EML6: variants seen among roughly 807,000 people sequenced by gnomAD.
EML6 encodes the protein echinoderm microtubule-associated protein-like 6.
Under a neutral mutation model 240.1 loss-of-function variants are expected in EML6, and 154 were observed. The ratio of observed to expected loss-of-function variants is 0.64; its 90% CI spans 0.56 to 0.73. The LOEUF is 0.73. Ranked by LOEUF, EML6 falls within the 30% of genes least tolerant of loss-of-function variation. The pLI, the probability that EML6 is intolerant of heterozygous loss-of-function variation, is 0.00. For missense variants in EML6, 2,964 were observed against 2,474.6 expected (o/e 1.20, Z -4.20); for synonymous variants, 1,148 against 899.0 (o/e 1.28, Z -4.95).
At chr2:54,845,401 G>A (rs1407420786) in intron 8 of EML6, among the ~76,000 whole-genome samples, 6 of 152,122 alleles carry the variant, frequency 3.9e-5, no homozygotes, top group Admixed American at 2.6e-4. Flanking sequence ...GAAGTCCTTC[G>A]CTTTTATGTT....
At chr2:54,838,456 C>T (rs996442371) in intron 7 of EML6, among the ~76,000 whole-genome samples, 5 of 152,224 alleles carry the variant, frequency 3.3e-5, no homozygotes, top group African/African-American at 1.2e-4. Context: ...CCATGTCACA[C>T]AGCTGGCAAC....
chr2:54,899,632 C>T lies in EML6; in HGVS notation c.2983-9C>T. 6.4e-7 allele frequency: 1 copy of T among 1,551,960 alleles called. No individual in the cohort carries two copies. The highest frequency in any genetic ancestry group is 2.4e-5 in the East Asian group (1 of 40,980). ...TAGAGTTTATGTTGCCCCTTTTCCT[C>T]TCCCACAGGGGCACATGGAAGGAGA... On this transcript the variant is annotated splice_polypyrimidine_tract_variant and intron_variant, in intron 21 of 41. Coordinates refer to ENST00000356458, the MANE Select transcript of EML6 (RefSeq NM_001039753.4).
chr2:54,948,857 T>C (rs1175525696), intron 28 of EML6, 25 bp from the exon 29 acceptor site: 9 of 1,542,068 alleles, frequency 5.8e-6, no homozygotes, highest in Non-Finnish European at 7.9e-6. Flanking sequence ...AATGCTGTGC[T>C]TCCTCTGGCC....
At chr2:54,797,790 C>T (rs1054168493) in intron 2 of EML6, among the ~76,000 whole-genome samples, 13 of 152,160 alleles carry the variant, frequency 8.5e-5, no homozygotes, top group African/African-American at 2.9e-4. Flanking sequence ...TACCACTTAT[C>T]AGCCATGTAA....
In EML6 at chr2:54,863,892, C is replaced by G. The variant is rs2358155; in HGVS notation, c.1932+3C>G. 2 of 1,509,976 alleles carry G rather than the reference C, an allele frequency of 1.3e-6. No individual in the cohort carries two copies. The highest frequency in any genetic ancestry group is 4.1e-5 in the Admixed American group (2 of 48,908). 93.5% of individuals were successfully genotyped at this position (1,509,976 alleles called of 1,614,324 possible). A position where few individuals can be genotyped will look rare whatever the true frequency, so the allele number is the denominator to read the frequency against. ...CTCAAATCAATTATGATCGCCAGGT[C>G]GGTAAGCAGGGAGCAATGAAAATTT... On this transcript the variant is annotated splice_donor_region_variant and intron_variant, in intron 13 of 41. Transcript: ENST00000356458.
At chr2:54,954,802 C>T (rs897173100) in intron 32 of EML6, among the ~76,000 whole-genome samples, 1 of 152,198 alleles carries the variant, frequency 6.6e-6, no homozygotes, top group African/African-American at 2.4e-5. Flanking sequence ...CATATATTCT[C>T]AGGTTGGGTA....
intron 4 of EML6, among the ~76,000 whole-genome samples, chr2:54,819,565 C>A (rs911630737): frequency 2.0e-5 from 3 of 152,062 alleles, no homozygotes; most frequent in African/African-American, 7.2e-5. Context: ...ATCACGAGGT[C>A]ACAAGATTGA....
chr2:54,737,689 C>A (rs994451639), intron 2 of EML6, among the ~76,000 whole-genome samples: 1 of 152,168 alleles, frequency 6.6e-6, no homozygotes, highest in African/African-American at 2.4e-5. Context: ...AACACAGCAG[C>A]CAGAGTTATC....
At position 54,907,934 on chromosome 2, in the gene EML6, AGAT is replaced by A. The variant is rs1181642964; in HGVS notation, c.3410-3019_3410-3017del. Reference sequence around the variant, plus strand: ...TAGATAGATAGATAGATAGATAGATAGATAGATAGATAAGATAGATAGATAGAT... The same window carrying A: ...TAGATAGATAGATAGATAGATAGATAAGATAGATAAGATAGATAGATAGAT... On this transcript the variant is annotated intron_variant, in intron 24 of 41. Coordinates refer to ENST00000356458, the MANE Select transcript of EML6 (RefSeq NM_001039753.4). Among the ~76,000 whole-genome samples the A allele has an allele frequency of 9.5e-3, 492 of 52,020 alleles. 2 individuals are homozygous for A. Among genetic ancestry groups the A allele is most frequent in the African/African-American group, 0.019 (298 of 15,942 alleles). The allele number at this position is 52,020 out of a possible 152,430, so 34.1% of individuals were successfully genotyped here. A position where few individuals can be genotyped will look rare whatever the true frequency, so the allele number is the denominator to read the frequency against.
Position 54,968,111 on chromosome 2 carries a change from T to A in EML6, c.5598-17T>A. The A allele has an allele frequency of 6.5e-7, 1 of 1,549,810 alleles. No homozygotes were observed. The highest frequency in any genetic ancestry group is 2.5e-5 in the East Asian group (1 of 40,480). On this transcript the variant is annotated splice_polypyrimidine_tract_variant and intron_variant, in intron 39 of 41. Coordinates refer to ENST00000356458, the MANE Select transcript of EML6 (RefSeq NM_001039753.4). Reference sequence around the variant, plus strand: ...CGTGACTTCCTTCTATCCTAACCCCTCTTTCTGTTGGAACAGCGTCCTGGG... The same window carrying A: ...CGTGACTTCCTTCTATCCTAACCCCACTTTCTGTTGGAACAGCGTCCTGGG...
intron 28 of EML6, among the ~76,000 whole-genome samples, chr2:54,933,697 A>G (rs375991628): frequency 2.6e-5 from 4 of 152,136 alleles, no homozygotes; most frequent in African/African-American, 9.6e-5. Context: ...GCACTGCTGC[A>G]CTCCAGCCTG....
chr2:54,855,724 G>C (rs76778109), intron 11 of EML6, among the ~76,000 whole-genome samples: 8,520 of 152,216 alleles, frequency 0.056, 355 homozygotes, highest in South Asian at 0.15. Context: ...AAATGGACTT[G>C]TGTTCTACTT....
Position 54,863,991 on chromosome 2 carries a change from A to G in EML6, c.1932+102A>G, listed in dbSNP as rs1670827665. 2.7e-5 allele frequency: 17 copies of G among 640,400 alleles called. No individual in the cohort carries two copies. In the East Asian group the frequency reaches 5.4e-4, roughly 20 times the overall value. The allele number at this position is 640,400 out of a possible 1,614,324, so 39.7% of individuals were successfully genotyped here. On this transcript the variant is annotated intron_variant, in intron 13 of 41. Transcript: ENST00000356458. ...AATGACTGGCACTTAGACAAAGAGA[A>G]TTGAGGCAAAAACAAGAAAAATAGT...
intron 21 of EML6, among the ~76,000 whole-genome samples, chr2:54,898,425 C>G (rs1007973343): frequency 2.0e-5 from 3 of 152,096 alleles, no homozygotes; most frequent in African/African-American, 7.2e-5. Context: ...AGGTTGACCC[C>G]TGAGCTGTAC....
Position 54,857,295 on chromosome 2 carries a change from T to TG in EML6, c.1658-2234dup, listed in dbSNP as rs149999880. Among the ~76,000 whole-genome samples the TG allele has an allele frequency of 4.8e-3, 728 of 151,984 alleles. 6 individuals are homozygous for TG. Among genetic ancestry groups the TG allele is most frequent in the African/African-American group, 0.017 (692 of 41,450 alleles). ...TCACGTTGACAGCACTTTAAAGCCA[T>TG]GGGGGAGGAGGTTGATAGAGAAGAC... On this transcript the variant is annotated intron_variant, in intron 11 of 41. Coordinates refer to ENST00000356458, the MANE Select transcript of EML6 (RefSeq NM_001039753.4).
chr2:54,910,917 A>T lies in EML6; in HGVS notation c.3410-37A>T, dbSNP rs534951031. ...TTTTATAATAAAGAGATAAAGTCAG[A>T]TTTTAATTATCTCTCTACTTCGTTC... is the stretch of plus-strand genomic sequence containing the variant. On this transcript the variant is annotated intron_variant, in intron 24 of 41. Transcript: ENST00000356458. 4.5e-5 allele frequency: 49 copies of T among 1,082,816 alleles called. 1 individual carries two copies. In the South Asian group the frequency reaches 6.2e-4, roughly 14 times the overall value. 67.1% of individuals were successfully genotyped at this position (1,082,816 alleles called of 1,614,324 possible). A position where few individuals can be genotyped will look rare whatever the true frequency, so the allele number is the denominator to read the frequency against.
At chr2:54,795,748 T>C (rs1202493003) in intron 2 of EML6, among the ~76,000 whole-genome samples, 9 of 152,188 alleles carry the variant, frequency 5.9e-5, no homozygotes, top group African/African-American at 7.2e-5. Flanking sequence ...TAGCATAATA[T>C]GTGATTTCCC....
chr2:54,876,381 C>G (rs1324621913), intron 16 of EML6, among the ~76,000 whole-genome samples: 2 of 152,174 alleles, frequency 1.3e-5, no homozygotes, highest in Non-Finnish European at 2.9e-5. Context: ...TGGGTTTGCA[C>G]TGCTGCTTCC....
chr2:54,832,998 G>A lies in EML6; in HGVS notation c.847+3521G>A, dbSNP rs572570457. ...TGCTATTTGTGAAACAGCGACACTC[G>A]AATTCATTTCAATGGAAATGTAGCG... is the stretch of plus-strand genomic sequence containing the variant. On this transcript the variant is annotated intron_variant, in intron 7 of 41. Transcript: ENST00000356458. Among the ~76,000 whole-genome samples the A allele has an allele frequency of 2.0e-4, 30 of 152,280 alleles. 1 individual carries two copies. Among genetic ancestry groups the A allele is most frequent in the African/African-American group, 6.5e-4 (27 of 41,558 alleles).
Sources: allele counts gnomAD v4.1 joint callset (sites outside exome capture counted in the v4.1 genomes callset), GRCh38; gene constraint gnomAD v4.1.1; transcripts MANE v1.5; gene names NCBI Gene and HGNC (gene_info 2026-07-23, HGNC 2026-07-21).